REEP3: variants seen among roughly 807,000 people sequenced by gnomAD.
REEP3 encodes the protein receptor accessory protein 3.
REEP3 carries 20 observed loss-of-function variants against 41.3 expected under a neutral mutation model. The observed-to-expected ratio is 0.48, with a 90% CI of 0.34 to 0.70. The LOEUF is 0.70. REEP3 is among the 30% of genes least tolerant of loss of function. The probability of loss-of-function intolerance (pLI) is 0.01; values close to 1 mark genes in which losing one functional copy is unlikely to be tolerated. For missense variants in REEP3, 271 were observed against 308.8 expected, an observed-to-expected ratio of 0.88 and a Z score of 0.92; for synonymous variants, 104 against 101.8, an observed-to-expected ratio of 1.02 and a Z score of -0.13.
At chr10:63,568,739 T>C (rs996048256) in intron 2 of REEP3, among the ~76,000 whole-genome samples, 18 of 147,940 alleles carry the variant, frequency 1.2e-4, no homozygotes, top group Non-Finnish European at 2.7e-4. Context: ...CACTGTAGCC[T>C]GGACCTCATG....
intron 2 of REEP3, among the ~76,000 whole-genome samples, chr10:63,592,736 C>T (rs1005837902): frequency 8.6e-5 from 13 of 151,692 alleles, no homozygotes; most frequent in Non-Finnish European, 1.6e-4. Context: ...ACTAAAAATA[C>T]AAAAAAATTA....
At chr10:63,542,583 A>G (rs948976120) in intron 1 of REEP3, among the ~76,000 whole-genome samples, 2 of 152,252 alleles carry the variant, frequency 1.3e-5, no homozygotes, top group African/African-American at 2.4e-5. Context: ...ATACAAATAC[A>G]GCACTATATT....
intron 1 of REEP3, among the ~76,000 whole-genome samples, chr10:63,527,944 CTTTTTTTTGTTTTTT>C (rs915569713): frequency 6.3e-5 from 5 of 78,946 alleles, no homozygotes; most frequent in South Asian, 6.0e-4. Flanking sequence ...AGAAACCTTG[CTTTTTTTTGTTTTTT>C]TTTTTTTTGT....
At chr10:63,574,224 C>A (rs1955878010) in intron 2 of REEP3, among the ~76,000 whole-genome samples, 1 of 152,196 alleles carries the variant, frequency 6.6e-6, no homozygotes, top group Non-Finnish European at 1.5e-5. Context: ...GATGATTTAG[C>A]AGTTACCCAA....
At chr10:63,597,981 T>G (rs1564488569) in intron 3 of REEP3, 43 bp from the exon 4 acceptor site, 1 of 1,557,946 alleles carries the variant, frequency 6.4e-7, no homozygotes, top group Non-Finnish European at 8.7e-7. Context: ...TACAGTGGTT[T>G]GTTTTTCACT....
rs1005150346 is a variant in REEP3, at chr10:63,543,009, A to G, written c.32+21432A>G. Among the ~76,000 whole-genome samples, 6 of 151,880 alleles carry G rather than the reference A, an allele frequency of 4.0e-5. No individual in the cohort carries two copies. In the East Asian group the frequency reaches 1.2e-3, roughly 29 times the overall value. On this transcript the variant is annotated intron_variant, in intron 1 of 7. Transcript: ENST00000373758. ...TTGCTGCCACGTTTCTCTATGTTTT[A>G]TTATACCCCAGTGCTCCTCCCCAGC...
intron 2 of REEP3, among the ~76,000 whole-genome samples, chr10:63,575,827 A>T (rs1015527089): frequency 6.6e-6 from 1 of 152,072 alleles, no homozygotes; most frequent in Admixed American, 6.6e-5. Context: ...TCTGCCTCCC[A>T]GGTTCAAGCA....
At chr10:63,595,837 C>T (rs184766355) in intron 3 of REEP3, among the ~76,000 whole-genome samples, 3 of 152,330 alleles carry the variant, frequency 2.0e-5, no homozygotes, top group East Asian at 3.9e-4. Context: ...CTCGGTCTCC[C>T]GAAGTGCTGG....
At chr10:63,568,549 G>A (rs1955823366) in intron 2 of REEP3, among the ~76,000 whole-genome samples, 1 of 151,840 alleles carries the variant, frequency 6.6e-6, no homozygotes, top group African/African-American at 2.4e-5. Context: ...TTACAGGCGT[G>A]AGCCACTGTG....
At chr10:63,546,926 C>CTT (rs756972259) in intron 1 of REEP3, among the ~76,000 whole-genome samples, 1 of 145,478 alleles carries the variant, frequency 6.9e-6, no homozygotes, top group South Asian at 2.1e-4. Context: ...TTCTTCGTGA[C>CTT]TTTTTTTTTT....
At chr10:63,580,841 T>C (rs1039028329) in intron 2 of REEP3, among the ~76,000 whole-genome samples, 1 of 151,972 alleles carries the variant, frequency 6.6e-6, no homozygotes, top group African/African-American at 2.4e-5. Context: ...AGCAAGACCC[T>C]ACCTCTACAA....
At chr10:63,593,145 G>T (rs1340353353) in intron 2 of REEP3, among the ~76,000 whole-genome samples, 1 of 152,174 alleles carries the variant, frequency 6.6e-6, no homozygotes, top group African/African-American at 2.4e-5. Flanking sequence ...TTTCTATTGG[G>T]TTGTTCATGT....
At chr10:63,524,161 C>T (rs940119517) in intron 1 of REEP3, among the ~76,000 whole-genome samples, 2 of 152,156 alleles carry the variant, frequency 1.3e-5, no homozygotes, top group Non-Finnish European at 2.9e-5. Flanking sequence ...TTCTATTTTT[C>T]CTCTTTACTC....
chr10:63,556,683 T>C (rs1239261330), intron 1 of REEP3, among the ~76,000 whole-genome samples: 1 of 131,696 alleles, frequency 7.6e-6, no homozygotes, highest in East Asian at 2.4e-4. Context: ...TCGCCCAGGC[T>C]GGAGTGCAGT....
At chr10:63,544,697 T>C (rs1383059060) in intron 1 of REEP3, among the ~76,000 whole-genome samples, 4 of 152,220 alleles carry the variant, frequency 2.6e-5, no homozygotes, top group African/African-American at 9.6e-5. Context: ...TTCATTTTAA[T>C]TTGGATACTG....
At chr10:63,567,709 T>C (rs1401047132) in intron 2 of REEP3, among the ~76,000 whole-genome samples, 1 of 152,218 alleles carries the variant, frequency 6.6e-6, no homozygotes, top group East Asian at 1.9e-4. Flanking sequence ...ATAGCTGTGG[T>C]TCTTTGTAAG....
chr10:63,576,298 A>G (rs1955898337), intron 2 of REEP3, among the ~76,000 whole-genome samples: 2 of 152,320 alleles, frequency 1.3e-5, no homozygotes, highest in South Asian at 4.1e-4. Flanking sequence ...AGTGTGGATT[A>G]AAACAACAGA....
intron 1 of REEP3, among the ~76,000 whole-genome samples, chr10:63,539,390 C>T (rs1329679896): frequency 3.9e-5 from 6 of 152,120 alleles, no homozygotes; most frequent in Admixed American, 3.9e-4. Context: ...AGCTTTGAGC[C>T]AGAAGAGCAG....
At chr10:63,601,941 A>G (rs1337865271) in intron 5 of REEP3, among the ~76,000 whole-genome samples, 1 of 150,744 alleles carries the variant, frequency 6.6e-6, no homozygotes, top group Non-Finnish European at 1.5e-5. Flanking sequence ...TAATAATAAA[A>G]TAAATAAATA....
Sources: gnomAD v4.1 joint callset for allele counts (sites outside exome capture counted in the v4.1 genomes callset) on GRCh38, gnomAD v4.1.1 for gene constraint, MANE v1.5 for transcripts, NCBI Gene and HGNC (gene_info 2026-07-23, HGNC 2026-07-21) for gene names.